The following BCR variants were observed in gnomAD, a reference collection of about 807,000 sequenced individuals.
BCR encodes the protein BCR activator of RhoGEF and GTPase, also known as breakpoint cluster region protein.
BCR carries 58 observed loss-of-function variants against 138.6 expected under a neutral mutation model. The ratio of observed to expected loss-of-function variants is 0.42; its 90% CI spans 0.34 to 0.52. BCR has a LOEUF of 0.52. Among genes scored for constraint, BCR ranks in the 20% least tolerant of loss-of-function variants. The pLI, the probability that BCR is intolerant of heterozygous loss-of-function variation, is 0.06. For synonymous variants in BCR, 786 were observed against 730.1 expected (o/e 1.08, Z -1.23); for missense variants, 1,599 against 1,727.2 (o/e 0.93, Z 1.32).
rs938917015 is a variant in BCR, at chr22:23,253,666, T to TCAG, written c.1280-130_1280-128dup. On this transcript the variant is annotated intron_variant, in intron 1 of 22. Coordinates refer to ENST00000305877, the MANE Select transcript of BCR (RefSeq NM_004327.4). ...TGACCAGTCAGTTGTGAAGGGGACG[T>TCAG]CAGCATACCCGAGGTCGTTGTGAGA... The TCAG allele has an allele frequency of 3.9e-6, 4 of 1,032,234 alleles. No homozygotes were observed. The African/African-American group carries it at 6.4e-5, about 17-fold the overall frequency. 63.9% of individuals were successfully genotyped at this position (1,032,234 alleles called of 1,614,324 possible). A position where few individuals can be genotyped will look rare whatever the true frequency, so the allele number is the denominator to read the frequency against.
chr22:23,280,173 A>G (rs1393467046), intron 8 of BCR, among the ~76,000 whole-genome samples: 1 of 152,158 alleles, frequency 6.6e-6, no homozygotes, highest in Non-Finnish European at 1.5e-5. Context: ...TTCAGCCCTA[A>G]CAGTATGCTT....
At chr22:23,275,266 G>A (rs2073563115) in intron 8 of BCR, among the ~76,000 whole-genome samples, 2 of 152,238 alleles carry the variant, frequency 1.3e-5, no homozygotes, top group South Asian at 4.1e-4. Flanking sequence ...TCCAAGCCCT[G>A]GAGCTGGGCA....
At chr22:23,314,808 C>T (rs992342453) in intron 22 of BCR, 94 bp downstream of exon 22, 52 of 1,471,742 alleles carry the variant, frequency 3.5e-5, no homozygotes, top group Non-Finnish European at 4.7e-5. Context: ...TTCTTACTTG[C>T]ATTGTATGTG....
intron 2 of BCR, chr22:23,254,575 C>CA (rs759515110): frequency 1.3e-5 from 7 of 518,814 alleles, no homozygotes; most frequent in Middle Eastern, 3.2e-4. Flanking sequence ...CCACGCCCCC[C>CA]CTCACATGAG....
At chr22:23,276,093 G>A (rs1282132772) in intron 8 of BCR, among the ~76,000 whole-genome samples, 1 of 152,160 alleles carries the variant, frequency 6.6e-6, no homozygotes, top group Non-Finnish European at 1.5e-5. Context: ...CAAGGAGGAA[G>A]TGTAATTTAA....
Position 23,180,957 on chromosome 22 carries a change from C to T in BCR, c.-4C>T. 2 of 1,333,956 alleles carry T rather than the reference C, an allele frequency of 1.5e-6. No homozygotes were observed. Among genetic ancestry groups the T allele is most frequent in the Non-Finnish European group, 9.8e-7 (1 of 1,023,474 alleles). 82.6% of individuals were successfully genotyped at this position (1,333,956 alleles called of 1,614,324 possible). The stretch of plus-strand genomic sequence containing the variant: ...CCGGCGGCGCAGGTAAGGCCGGCCG[C>T]GCCATGGTGGACCCGGTGGGCTTCG... On this transcript the variant is annotated 5_prime_UTR_variant, in exon 1 of 23. Transcript: ENST00000305877.
chr22:23,274,973 T>C (rs2146290611), intron 8 of BCR, among the ~76,000 whole-genome samples: 1 of 146,140 alleles, frequency 6.8e-6, no homozygotes, highest in South Asian at 2.2e-4. Flanking sequence ...ATGGGCCAGG[T>C]GGTCGGCACT....
chr22:23,214,247 C>G (rs900666568), intron 1 of BCR, among the ~76,000 whole-genome samples: 9 of 150,478 alleles, frequency 6.0e-5, no homozygotes, highest in African/African-American at 2.2e-4. Context: ...AGATGGGAAG[C>G]TGTCTTTTTC....
chr22:23,261,322 C>A (rs1320577085), intron 3 of BCR, 33 bp from the exon 4 acceptor site: 1 of 1,597,238 alleles, frequency 6.3e-7, no homozygotes, highest in South Asian at 1.1e-5. Context: ...CAGCCCCTCT[C>A]ACCTGTGCTA....
At chr22:23,295,185 C>T (rs377130259) in intron 16 of BCR, 30 bp downstream of exon 16, 38 of 1,611,956 alleles carry the variant, frequency 2.4e-5, no homozygotes, top group Non-Finnish European at 3.1e-5. Context: ...CCTCCCCTGC[C>T]CGATGCATGG....
intron 1 of BCR, among the ~76,000 whole-genome samples, chr22:23,206,941 TCCTCCCTCCCTCCCTC>T (rs933721388): frequency 1.7e-4 from 5 of 30,024 alleles, no homozygotes; most frequent in South Asian, 1.5e-3. Context: ...ATCCATTCAT[TCCTCCCTCCCTCCCTC>T]CCTCCCTCCC....
At chr22:23,198,415 G>T (rs780746448) in intron 1 of BCR, 3 of 438,044 alleles carry the variant, frequency 6.8e-6, no homozygotes, top group South Asian at 1.7e-5. Context: ...CTATGGGAAG[G>T]TTGGTGACCC....
intron 1 of BCR, chr22:23,250,923 C>G (rs1568954984): frequency 6.6e-6 from 1 of 152,174 alleles, no homozygotes; most frequent in Non-Finnish European, 1.5e-5. Flanking sequence ...GCCAGAGCCT[C>G]GCTTCTGAGG....
chr22:23,202,319 A>G (rs146713599), intron 1 of BCR, among the ~76,000 whole-genome samples: 2 of 152,302 alleles, frequency 1.3e-5, no homozygotes, highest in Non-Finnish European at 2.9e-5. Context: ...GGTGAAATAT[A>G]TATACAAATT....
At chr22:23,301,437 G>A (rs1423096807) in intron 16 of BCR, among the ~76,000 whole-genome samples, 3 of 152,352 alleles carry the variant, frequency 2.0e-5, no homozygotes, top group African/African-American at 2.4e-5. Flanking sequence ...CAGGGCCCCC[G>A]TCCCTGTTGC....
intron 1 of BCR, among the ~76,000 whole-genome samples, chr22:23,195,813 G>T (rs149839072): frequency 0.024 from 3,639 of 152,200 alleles, 124 homozygotes; most frequent in African/African-American, 0.082. Context: ...GCTTGAACCC[G>T]GGAGGCGGAG....
rs545268896 is a variant in BCR at position 23,263,224 on chromosome 22, C to T, written c.1752+1684C>T. 135 of 989,900 alleles carry T rather than the reference C, an allele frequency of 1.4e-4. No homozygotes were observed. The African/African-American group carries it at 1.7e-3, about 12-fold the overall frequency. The allele number at this position is 989,900 out of a possible 1,614,324, so 61.3% of individuals were successfully genotyped here. A position where few individuals can be genotyped will look rare whatever the true frequency, so the allele number is the denominator to read the frequency against. On this transcript the variant is annotated intron_variant, in intron 4 of 22. Coordinates refer to ENST00000305877, the MANE Select transcript of BCR (RefSeq NM_004327.4). ...GCGGGGCCAGCGCTCTGGCGCCTGC[C>T]GGAAGTGCTGCTGCTGCACATGTGC...
chr22:23,237,098 C>T (rs2073035601), intron 1 of BCR, among the ~76,000 whole-genome samples: 1 of 152,210 alleles, frequency 6.6e-6, no homozygotes, highest in Non-Finnish European at 1.5e-5. Flanking sequence ...AAGGCCTTTT[C>T]CTGGCGTGTC....
Position 23,317,787 on chromosome 22 carries a change from C to T in BCR, c.*2265C>T, listed in dbSNP as rs1353118180. ...GCCGGTGTGGGGCTGGGGAACGCAG[C>T]GTTCTCCAGGAGGGGGACCTGGCTC... is the stretch of plus-strand genomic sequence containing the variant. On this transcript the variant is annotated 3_prime_UTR_variant, in exon 23 of 23. Transcript: ENST00000305877. 9.6e-5 allele frequency: 11 copies of T among 114,188 alleles called. 3 individuals are homozygous for T. Among genetic ancestry groups the T allele is most frequent in the East Asian group, 2.8e-4 (1 of 3,524 alleles). The allele number at this position is 114,188 out of a possible 1,614,324, so 7.1% of individuals were successfully genotyped here. A position where few individuals can be genotyped will look rare whatever the true frequency, so the allele number is the denominator to read the frequency against.
Sources: gnomAD v4.1 joint callset for allele counts (sites outside exome capture counted in the v4.1 genomes callset) on GRCh38, gnomAD v4.1.1 for gene constraint, MANE v1.5 for transcripts, NCBI Gene and HGNC (gene_info 2026-07-23, HGNC 2026-07-21) for gene names.